LRSAM1: variants seen among roughly 807,000 people sequenced by gnomAD.
The protein encoded by LRSAM1 is E3 ubiquitin-protein ligase LRSAM1.
LRSAM1 carries 96 observed loss-of-function variants against 118.1 expected under a neutral mutation model. That is an observed-to-expected ratio of 0.81 (90% confidence interval 0.69 to 0.96). The LOEUF is 0.96. LRSAM1 is among the 40% of genes least tolerant of loss of function. The probability of loss-of-function intolerance (pLI) is 0.00; values close to 1 mark genes in which losing one functional copy is unlikely to be tolerated. For synonymous variants in LRSAM1, 322 were observed against 364.2 expected (o/e 0.88, Z 1.32); for missense variants, 804 against 915.5 (o/e 0.88, Z 1.57).
chr9:127,479,564 G>A, intron 13 of LRSAM1, 59 bp downstream of exon 13: 1 of 1,607,634 alleles, frequency 6.2e-7, no homozygotes, highest in Non-Finnish European at 8.5e-7. Flanking sequence ...GTGGCCTCCT[G>A]GCTTGGGCCA....
rs1173392410 is a variant in LRSAM1 at position 127,496,136 on chromosome 9, G to A, written c.1830+41G>A. The stretch of plus-strand genomic sequence containing the variant: ...CTGCATGGAGGGGAGGGGCACGCAA[G>A]GCCGCTGTCCTGACCAGCCGGGGGT... On this transcript the variant is annotated intron_variant, in intron 23 of 25. Coordinates refer to ENST00000300417, the MANE Select transcript of LRSAM1 (RefSeq NM_001005373.4). 1.9e-6 allele frequency: 3 copies of A among 1,601,140 alleles called. No homozygotes were observed. The African/African-American group carries it at 4.0e-5, about 21-fold the overall frequency.
Position 127,502,992 on chromosome 9 carries a change from T to C in LRSAM1, c.*93T>C. The stretch of plus-strand genomic sequence containing the variant: ...CAGCCTTGTGCCAGCCAGACTCGTA[T>C]GAGGCTCCCCCCTGCCCTGGGCCCC... On this transcript the variant is annotated 3_prime_UTR_variant, in exon 26 of 26. Transcript: ENST00000300417. 2 of 1,512,134 alleles carry C rather than the reference T, an allele frequency of 1.3e-6. No homozygotes were observed. The highest frequency in any genetic ancestry group is 1.8e-6 in the Non-Finnish European group (2 of 1,120,614). 93.7% of individuals were successfully genotyped at this position (1,512,134 alleles called of 1,614,324 possible).
At chr9:127,501,588 C>T (rs1836395819) in intron 25 of LRSAM1, among the ~76,000 whole-genome samples, 1 of 152,050 alleles carries the variant, frequency 6.6e-6, no homozygotes, top group Non-Finnish European at 1.5e-5. Flanking sequence ...AAAAATCAGC[C>T]AGGCGTGGTG....
chr9:127,499,327 T>C (rs1425233374), intron 24 of LRSAM1, among the ~76,000 whole-genome samples: 1 of 152,060 alleles, frequency 6.6e-6, no homozygotes, highest in African/African-American at 2.4e-5. Context: ...TGAGCCATGA[T>C]TGTGCCCCTG....
chr9:127,468,834 A>AAAAAAAAAAAC lies in LRSAM1; in HGVS notation c.619+1009_619+1010insAAAAACAAAAA, dbSNP rs1564261092. ...ACAAAAAAAAAAAAAAAAAAAAAAAAAAAAATCAGCCAGGCGTGGTGGCAC... is the reference window on the plus strand; with the variant it reads ...ACAAAAAAAAAAAAAAAAAAAAAAAAAAAAAAAAAACAAAAATCAGCCAGGCGTGGTGGCAC... On this transcript the variant is annotated intron_variant, in intron 10 of 25. Transcript: ENST00000300417. Among the ~76,000 whole-genome samples the AAAAAAAAAAAC allele has an allele frequency of 3.6e-5, 4 of 110,230 alleles. 1 individual carries two copies. The highest frequency in any genetic ancestry group is 5.8e-5 in the Non-Finnish European group (3 of 51,346). The allele number at this position is 110,230 out of a possible 152,430, so 72.3% of individuals were successfully genotyped here.
At chr9:127,474,163 TC>T (rs1564265772) in intron 11 of LRSAM1, among the ~76,000 whole-genome samples, 1 of 152,040 alleles carries the variant, frequency 6.6e-6, no homozygotes, top group Non-Finnish European at 1.5e-5. Context: ...TGCTGTCTGT[TC>T]CCTGAACTAA....
intron 10 of LRSAM1, among the ~76,000 whole-genome samples, chr9:127,469,971 A>G (rs1292233714): frequency 1.3e-5 from 2 of 152,032 alleles, no homozygotes; most frequent in South Asian, 4.1e-4. Context: ...TCTCAAAAAA[A>G]TAAAATAAAA....
chr9:127,459,312 G>A (rs1324193542), intron 7 of LRSAM1, among the ~76,000 whole-genome samples: 1 of 149,532 alleles, frequency 6.7e-6, no homozygotes, highest in East Asian at 2.0e-4. Context: ...TCTGCCTCCC[G>A]AGTTCAAGCG....
chr9:127,468,426 G>A (rs1835039462), intron 10 of LRSAM1, among the ~76,000 whole-genome samples: 1 of 152,216 alleles, frequency 6.6e-6, no homozygotes, highest in Non-Finnish European at 1.5e-5. Context: ...AGCACTGGCT[G>A]GAGGCGGGAG....
At chr9:127,458,275 G>A (rs932710269) in intron 6 of LRSAM1, among the ~76,000 whole-genome samples, 13 of 152,154 alleles carry the variant, frequency 8.5e-5, no homozygotes, top group South Asian at 4.2e-4. Flanking sequence ...CCAGCTACTC[G>A]GGAGGCTGAG....
intron 5 of LRSAM1, among the ~76,000 whole-genome samples, chr9:127,457,009 A>C (rs935556913): frequency 3.9e-5 from 6 of 152,112 alleles, no homozygotes; most frequent in Non-Finnish European, 8.8e-5. Context: ...ATTATTCTCT[A>C]TTTTCCACGT....
chr9:127,503,296 C>T lies in LRSAM1; in HGVS notation c.*397C>T. 3.5e-6 allele frequency: 1 copy of T among 282,946 alleles called. No individual in the cohort carries two copies. Among genetic ancestry groups the T allele is most frequent in the South Asian group, 3.5e-5 (1 of 28,494 alleles). 17.5% of individuals were successfully genotyped at this position (282,946 alleles called of 1,614,324 possible). A position where few individuals can be genotyped will look rare whatever the true frequency, so the allele number is the denominator to read the frequency against. On this transcript the variant is annotated 3_prime_UTR_variant, in exon 26 of 26. Coordinates refer to ENST00000300417, the MANE Select transcript of LRSAM1 (RefSeq NM_001005373.4). ...TCCCACCCTGCATGTGGGAAGGGAG[C>T]AGGAGGGCCTGGCTGGGTGAGGGGA... is the stretch of plus-strand genomic sequence containing the variant.
Position 127,479,375 on chromosome 9 carries a change from T to A in LRSAM1, c.781-8T>A. ...GTGCTGACAGTCACCAGGATCTGTGTCTTGCAGGAACAGAAGATGCTGGAG... is the reference window on the plus strand; with the variant it reads ...GTGCTGACAGTCACCAGGATCTGTGACTTGCAGGAACAGAAGATGCTGGAG... On this transcript the variant is annotated splice_region_variant and splice_polypyrimidine_tract_variant and intron_variant, in intron 12 of 25. Transcript: ENST00000300417. 1 of 1,614,164 alleles carries A rather than the reference T, an allele frequency of 6.2e-7. No homozygotes were observed. Among genetic ancestry groups the A allele is most frequent in the South Asian group, 1.1e-5 (1 of 91,064 alleles).
rs537250384 is a variant in LRSAM1, at chr9:127,501,226, C to T, written c.2046+83C>T. On this transcript the variant is annotated intron_variant, in intron 25 of 25. Transcript: ENST00000300417. ...CTGCAGGTACAGGGTTGTCTCTGAACGTGTTTTCTCCAGTTCTCTAAGTAG... is the reference window on the plus strand; with the variant it reads ...CTGCAGGTACAGGGTTGTCTCTGAATGTGTTTTCTCCAGTTCTCTAAGTAG... 8.8e-5 allele frequency: 134 copies of T among 1,525,194 alleles called. 2 individuals are homozygous for T. Among genetic ancestry groups the T allele is most frequent in the East Asian group, 8.6e-4 (36 of 42,080 alleles). The allele number at this position is 1,525,194 out of a possible 1,614,324, so 94.5% of individuals were successfully genotyped here.
rs1225427443 is a variant in LRSAM1 at position 127,454,422 on chromosome 9, T to C, written c.-32-74T>C. 23 of 1,099,874 alleles carry C rather than the reference T, an allele frequency of 2.1e-5. 1 individual carries two copies. The Middle Eastern group carries it at 1.4e-3, about 66-fold the overall frequency. The allele number at this position is 1,099,874 out of a possible 1,614,324, so 68.1% of individuals were successfully genotyped here. A position where few individuals can be genotyped will look rare whatever the true frequency, so the allele number is the denominator to read the frequency against. On this transcript the variant is annotated intron_variant, in intron 2 of 25. Transcript: ENST00000300417. Reference sequence around the variant, plus strand: ...AGCAGACCAGCTGCATGCTCTGTGTTACTGCACTACCTGTCCCGGGTGTTG... The same window carrying C: ...AGCAGACCAGCTGCATGCTCTGTGTCACTGCACTACCTGTCCCGGGTGTTG...
At position 127,502,909 on chromosome 9, in the gene LRSAM1, G is replaced by T. The variant is rs372040839; in HGVS notation, c.*10G>T. The T allele has an allele frequency of 6.3e-7, 1 of 1,584,536 alleles. No homozygotes were observed. Among genetic ancestry groups the T allele is most frequent in the Non-Finnish European group, 8.6e-7 (1 of 1,166,760 alleles). On this transcript the variant is annotated 3_prime_UTR_variant, in exon 26 of 26. Transcript: ENST00000300417. ...CTACCACAGCAGCTGAGTGCTGCCC[G>T]CCCACCTGGGCCTGGTCCTAGCCCT...
At chr9:127,492,993 T>A in intron 21 of LRSAM1, 96 bp downstream of exon 21, 1 of 1,018,300 alleles carries the variant, frequency 9.8e-7, no homozygotes. Context: ...CAAGTAAGAG[T>A]TATTCATCAA....
chr9:127,502,310 T>C (rs1167765463), intron 25 of LRSAM1, among the ~76,000 whole-genome samples: 1 of 152,224 alleles, frequency 6.6e-6, no homozygotes, highest in African/African-American at 2.4e-5. Context: ...GGTTACCTGT[T>C]TCGGCCGTGC....
At chr9:127,495,466 C>T (rs1418088465) in intron 22 of LRSAM1, 48 bp downstream of exon 22, 2 of 1,520,942 alleles carry the variant, frequency 1.3e-6, no homozygotes, top group African/African-American at 2.7e-5. Flanking sequence ...TGGGGACCTC[C>T]TCCCAGAGGC....
Sources: allele counts gnomAD v4.1 joint callset (sites outside exome capture counted in the v4.1 genomes callset), GRCh38; gene constraint gnomAD v4.1.1; transcripts MANE v1.5; gene names NCBI Gene and HGNC (gene_info 2026-07-23, HGNC 2026-07-21).